The following GLMN variants were observed in gnomAD, a reference collection of about 807,000 sequenced individuals.
The protein encoded by GLMN is glomulin, FKBP associated protein, also known as glomulin.
In GLMN, 75 loss-of-function variants were observed where a neutral mutation model predicts 87.8. The ratio of observed to expected loss-of-function variants is 0.85; its 90% CI spans 0.71 to 1.04. GLMN has a LOEUF of 1.04. Among genes scored for constraint, GLMN ranks in the 50% least tolerant of loss-of-function variants. The probability of loss-of-function intolerance (pLI) is 0.00; values close to 1 mark genes in which losing one functional copy is unlikely to be tolerated. For synonymous variants in GLMN, 206 were observed against 221.6 expected (o/e 0.93, Z 0.63); for missense variants, 588 against 658.8 (o/e 0.89, Z 1.18).
intron 7 of GLMN, among the ~76,000 whole-genome samples, chr1:92,272,666 GCA>G (rs1319192666): frequency 1.3e-5 from 2 of 152,148 alleles, no homozygotes; most frequent in Non-Finnish European, 2.9e-5. Context: ...GCTGGGCAGG[GCA>G]GCTGGGCCTG....
the GLMN span, among the ~76,000 whole-genome samples, chr1:92,343,591 T>C: frequency 6.6e-6 from 1 of 152,186 alleles, no homozygotes; most frequent in Non-Finnish European, 1.5e-5. Flanking sequence ...TTGATTCAGG[T>C]ATATATTTTA....
chr1:92,343,685 T>G, the GLMN span, among the ~76,000 whole-genome samples: 1 of 152,124 alleles, frequency 6.6e-6, no homozygotes, highest in Non-Finnish European at 1.5e-5. Context: ...AAACTTGGAA[T>G]AGTGAAGTAC....
the GLMN span, among the ~76,000 whole-genome samples, chr1:92,306,407 T>TA: frequency 6.6e-6 from 1 of 152,016 alleles, no homozygotes; most frequent in Non-Finnish European, 1.5e-5. Flanking sequence ...TTTTTAATTG[T>TA]AAAAAAAAGT....
At chr1:92,355,064 A>AATT in the GLMN span, among the ~76,000 whole-genome samples, 1 of 151,734 alleles carries the variant, frequency 6.6e-6, no homozygotes, top group Non-Finnish European at 1.5e-5. Flanking sequence ...ATACCCAGCT[A>AATT]ATTATTATTA....
chr1:92,368,423 T>C, the GLMN span, among the ~76,000 whole-genome samples: 1 of 152,110 alleles, frequency 6.6e-6, no homozygotes, highest in Non-Finnish European at 1.5e-5. Context: ...TTTATTGTAC[T>C]CCACGAGATA....
Position 92,297,486 on chromosome 1 carries a change from A to G in GLMN, c.83T>C (p.Leu28Pro). The G allele has an allele frequency of 6.2e-7, 1 of 1,612,632 alleles. No individual in the cohort carries two copies. The highest frequency in any genetic ancestry group is 1.1e-5 in the South Asian group (1 of 91,042). The change falls in exon 3 of 19, where the codon CTA (leucine) becomes CCA (proline). Residue 28 changes from leucine (L) to proline (P), a missense_variant. Coordinates refer to ENST00000370360, the MANE Select transcript of GLMN (RefSeq NM_053274.3). ...GCATCTTTGCCCAGCTAACTGAAAT[A>G]GGCCAAAATCCTCTTCTTTAAAGTC... ...EQDFKEEDFG[L>P]FQLAGQRCIE...
At chr1:92,314,570 T>C in the GLMN span, among the ~76,000 whole-genome samples, 35 of 133,330 alleles carry the variant, frequency 2.6e-4, no homozygotes, top group East Asian at 1.1e-3. Flanking sequence ...GCCAACAGGG[T>C]GAAACCCCAT....
chr1:92,268,277 G>C, intron 9 of GLMN, 142 bp from the exon 10 acceptor site: 1 of 620,514 alleles, frequency 1.6e-6, no homozygotes, highest in Non-Finnish European at 2.9e-6. Context: ...TGAAGAACTT[G>C]ATCAAAAGTT....
chr1:92,309,913 A>C, the GLMN span, among the ~76,000 whole-genome samples: 1 of 152,188 alleles, frequency 6.6e-6, no homozygotes, highest in African/African-American at 2.4e-5. Flanking sequence ...GGAGCCATCA[A>C]ATGTTTTTGA....
chr1:92,365,473 T>C, the GLMN span, among the ~76,000 whole-genome samples: 1 of 152,176 alleles, frequency 6.6e-6, no homozygotes, highest in Non-Finnish European at 1.5e-5. Flanking sequence ...TTTTTTAAGT[T>C]CCCCAAGTGA....
At chr1:92,333,029 C>T in the GLMN span, among the ~76,000 whole-genome samples, 1 of 152,026 alleles carries the variant, frequency 6.6e-6, no homozygotes. Flanking sequence ...AATGACTGAA[C>T]TCCTCATAAT....
At chr1:92,333,416 A>G in the GLMN span, 20 of 1,613,576 alleles carry the variant, frequency 1.2e-5, no homozygotes, top group Non-Finnish European at 1.5e-5. Context: ...CCACTGATAG[A>G]CTCAAGTTCC....
chr1:92,306,055 G>A, the GLMN span, among the ~76,000 whole-genome samples: 1 of 152,180 alleles, frequency 6.6e-6, no homozygotes, highest in Non-Finnish European at 1.5e-5. Context: ...AAAAAAGGAA[G>A]GAAATTCTGA....
At chr1:92,299,309 G>A (rs1177473918), upstream of GLMN, among the ~76,000 whole-genome samples, 1 of 152,198 alleles carries the variant, frequency 6.6e-6, no homozygotes, top group African/African-American at 2.4e-5. Context: ...CACCTCCTGG[G>A]AAAGATTTCC....
chr1:92,358,613 G>A, the GLMN span, among the ~76,000 whole-genome samples: 10 of 151,776 alleles, frequency 6.6e-5, no homozygotes, highest in South Asian at 6.2e-4. Context: ...TTTGAGACAG[G>A]GTCTCGCTCT....
chr1:92,280,045 A>G (rs879513416), intron 7 of GLMN, among the ~76,000 whole-genome samples: 6 of 152,212 alleles, frequency 3.9e-5, no homozygotes, highest in Admixed American at 3.9e-4. Context: ...CAGTAGAACA[A>G]AAGGCAGCAG....
the GLMN span, among the ~76,000 whole-genome samples, chr1:92,306,798 C>T: frequency 1.8e-3 from 276 of 151,452 alleles, no homozygotes; most frequent in African/African-American, 6.3e-3. Flanking sequence ...AGACCCTGTC[C>T]CTAAAAAAAA....
intron 7 of GLMN, among the ~76,000 whole-genome samples, chr1:92,273,441 G>GT (rs563200839): frequency 0.26 from 28,270 of 109,416 alleles, 5,085 homozygotes; most frequent in Non-Finnish European, 0.36. Context: ...AGGTAGCCCT[G>GT]TTTTTTTTTT....
intron 16 of GLMN, among the ~76,000 whole-genome samples, chr1:92,251,632 T>TAAAAC (rs1553133610): frequency 6.6e-6 from 1 of 152,100 alleles, no homozygotes; most frequent in African/African-American, 2.4e-5. Flanking sequence ...AAAATACTAT[T>TAAAAC]AAAACACAAG....
Sources: allele counts gnomAD v4.1 joint callset (sites outside exome capture counted in the v4.1 genomes callset), GRCh38; gene constraint gnomAD v4.1.1; transcripts MANE v1.5; gene names NCBI Gene and HGNC (gene_info 2026-07-23, HGNC 2026-07-21).